The following BICC1 variants were observed in gnomAD, a reference collection of about 807,000 sequenced individuals.
BICC1 encodes protein bicaudal C homolog 1.
A neutral mutation model predicts 111.0 loss-of-function variants in BICC1; 43 were observed. The ratio of observed to expected loss-of-function variants is 0.39; its 90% CI spans 0.30 to 0.50. The LOEUF is 0.50. Ranked by LOEUF, BICC1 falls within the 20% of genes least tolerant of loss-of-function variation. The pLI is 0.88. For synonymous variants in BICC1, 467 were observed against 434.4 expected (o/e 1.07, Z -0.93); for missense variants, 1,091 against 1,203.2 (o/e 0.91, Z 1.38).
At chr10:58,646,065 T>C (rs1171111796) in intron 2 of BICC1, among the ~76,000 whole-genome samples, 1 of 128,884 alleles carries the variant, frequency 7.8e-6, no homozygotes, top group East Asian at 2.2e-4. Flanking sequence ...TTTGCAATGC[T>C]TTTTTTTTTT....
chr10:58,719,170 C>T (rs571659592), intron 3 of BICC1, among the ~76,000 whole-genome samples: 72 of 152,298 alleles, frequency 4.7e-4, no homozygotes, highest in Middle Eastern at 3.4e-3. Flanking sequence ...GAACAAAATT[C>T]ACCTTCTGTG....
At chr10:58,717,373 C>T (rs990600541) in intron 3 of BICC1, among the ~76,000 whole-genome samples, 90 of 147,870 alleles carry the variant, frequency 6.1e-4, no homozygotes, top group Admixed American at 4.4e-3. Flanking sequence ...AAAAAAAAAA[C>T]AGCTTCATAT....
intron 2 of BICC1, among the ~76,000 whole-genome samples, chr10:58,669,107 T>C (rs879258125): frequency 2.6e-5 from 4 of 152,080 alleles, no homozygotes; most frequent in Non-Finnish European, 5.9e-5. Context: ...ATATAGTTTC[T>C]TAGGTAGTGT....
intron 2 of BICC1, among the ~76,000 whole-genome samples, chr10:58,687,817 C>T (rs1839786077): frequency 6.6e-6 from 1 of 152,174 alleles, no homozygotes; most frequent in Admixed American, 6.5e-5. Flanking sequence ...CTTTGTGCTT[C>T]CTGGGTGAGG....
chr10:58,661,512 G>A (rs919553221), intron 2 of BICC1, among the ~76,000 whole-genome samples: 3 of 152,128 alleles, frequency 2.0e-5, no homozygotes, highest in African/African-American at 4.8e-5. Context: ...TGTGATTCAT[G>A]ATGATCTAAG....
In BICC1 at chr10:58,721,562, A is replaced by C. The variant is rs1840941084; in HGVS notation, c.307+19419A>C. Among the ~76,000 whole-genome samples, 3 of 152,186 alleles carry C rather than the reference A, an allele frequency of 2.0e-5. No homozygotes were observed. In the South Asian group the frequency reaches 6.2e-4, roughly 32 times the overall value. ...TCGTGGCTTGTTTTGAGGAAAAAAAATATGCTCCAAACCATCTGCAAAAGT... is the reference window on the plus strand; with the variant it reads ...TCGTGGCTTGTTTTGAGGAAAAAAACTATGCTCCAAACCATCTGCAAAAGT... On this transcript the variant is annotated intron_variant, in intron 3 of 20. Transcript: ENST00000373886.
chr10:58,823,328 C>T (rs527294762), intron 20 of BICC1: 2 of 985,250 alleles, frequency 2.0e-6, no homozygotes, highest in Non-Finnish European at 1.2e-6. Flanking sequence ...CAAACCATCC[C>T]GTAGGCTTAC....
intron 2 of BICC1, among the ~76,000 whole-genome samples, chr10:58,636,010 C>T (rs1837942999): frequency 6.6e-6 from 1 of 152,080 alleles, no homozygotes. Context: ...TTGTTTTGTT[C>T]TCTTGTTATG....
intron 1 of BICC1, among the ~76,000 whole-genome samples, chr10:58,570,308 T>A (rs1431046409): frequency 6.6e-6 from 1 of 152,214 alleles, no homozygotes; most frequent in African/African-American, 2.4e-5. Flanking sequence ...TGGCTAAGGT[T>A]ATCTCCTATT....
At chr10:58,735,000 T>C (rs1244695900) in intron 3 of BICC1, among the ~76,000 whole-genome samples, 1 of 152,168 alleles carries the variant, frequency 6.6e-6, no homozygotes. Flanking sequence ...CTATTAATAG[T>C]TCTCCAAGAA....
intron 1 of BICC1, among the ~76,000 whole-genome samples, chr10:58,559,106 A>AC (rs5785326): frequency 2.0e-5 from 3 of 151,190 alleles, no homozygotes; most frequent in Admixed American, 6.6e-5. Flanking sequence ...ATTAATAACC[A>AC]CCCCCCCAGG....
chr10:58,681,420 G>A (rs1839516952), intron 2 of BICC1, among the ~76,000 whole-genome samples: 2 of 152,064 alleles, frequency 1.3e-5, no homozygotes. Context: ...CATCATCACT[G>A]GTCATTAAAG....
rs935591486 is a variant in BICC1, at chr10:58,775,954, TAA to T, written c.308-9044_308-9043del. On this transcript the variant is annotated intron_variant, in intron 3 of 20. Transcript: ENST00000373886. Reference sequence around the variant, plus strand: ...ATTAGCTGCTCTTTAGTGTAACATATAAAAGTTATATGTAACAAGTGTAACAT... The same window carrying T: ...ATTAGCTGCTCTTTAGTGTAACATATAAGTTATATGTAACAAGTGTAACAT... Among the ~76,000 whole-genome samples, 68 of 152,302 alleles carry T rather than the reference TAA, an allele frequency of 4.5e-4. 1 individual carries two copies. The highest frequency in any genetic ancestry group is 1.6e-3 in the African/African-American group (68 of 41,564).
At chr10:58,518,595 G>A (rs568242021) in intron 1 of BICC1, among the ~76,000 whole-genome samples, 1 of 137,886 alleles carries the variant, frequency 7.3e-6, no homozygotes, top group East Asian at 2.4e-4. Flanking sequence ...TGTGTTGGGG[G>A]GGGGGGGGTG....
intron 2 of BICC1, among the ~76,000 whole-genome samples, chr10:58,622,667 C>G (rs1213033530): frequency 1.3e-5 from 2 of 152,130 alleles, no homozygotes; most frequent in Non-Finnish European, 2.9e-5. Context: ...GCATACTCAT[C>G]CAGCAAAAAA....
rs748041932 is a variant in BICC1, at chr10:58,813,968, C to T, written c.2515C>T (p.Arg839Cys). Reference protein sequence around the residue: ...EFAASIGSPKRKQNKSTEHYL... With the variant: ...EFAASIGSPKCKQNKSTEHYL... Reference sequence around the variant, plus strand: ...TGCAGCTTCTATTGGCAGCCCTAAGCGTAAACAAAACAAATCAAGTGAGCG... The same window carrying T: ...TGCAGCTTCTATTGGCAGCCCTAAGTGTAAACAAAACAAATCAAGTGAGCG... The change falls in exon 18 of 21, where the codon CGT becomes TGT. Residue 839 changes from arginine to cysteine, a missense_variant. Arg to Cys is a radical substitution (Grantham distance 180). Coordinates refer to ENST00000373886, the MANE Select transcript of BICC1 (RefSeq NM_001080512.3). 5.0e-5 allele frequency: 80 copies of T among 1,614,022 alleles called. No homozygotes were observed. Among genetic ancestry groups the T allele is most frequent in the Non-Finnish European group, 6.1e-5 (72 of 1,179,934 alleles).
intron 1 of BICC1, among the ~76,000 whole-genome samples, chr10:58,609,451 C>T (rs1047810272): frequency 6.6e-6 from 1 of 152,128 alleles, no homozygotes; most frequent in Admixed American, 6.6e-5. Flanking sequence ...TTCCCTATAG[C>T]GGTGCTGTAC....
At position 58,817,730 on chromosome 10, in the gene BICC1, A is replaced by G. The variant is rs1380453055; in HGVS notation, c.2694+8A>G. On this transcript the variant is annotated splice_region_variant and intron_variant, in intron 19 of 20. Transcript: ENST00000373886. The stretch of plus-strand genomic sequence containing the variant: ...GTTTTCCAGCAACAAGAGGTCAGTC[A>G]TTATTTATTTTCCCAAGTATCTTTG... 11 of 1,595,204 alleles carry G rather than the reference A, an allele frequency of 6.9e-6. No individual in the cohort carries two copies. The highest frequency in any genetic ancestry group is 8.5e-6 in the Non-Finnish European group (10 of 1,170,716).
chr10:58,656,199 A>C (rs1157939545), intron 2 of BICC1, among the ~76,000 whole-genome samples: 4 of 151,962 alleles, frequency 2.6e-5, no homozygotes, highest in Non-Finnish European at 5.9e-5. Context: ...AAATTGTGGC[A>C]ATAATCAATT....
Sources: allele counts gnomAD v4.1 joint callset (sites outside exome capture counted in the v4.1 genomes callset), GRCh38; gene constraint gnomAD v4.1.1; transcripts MANE v1.5; gene names NCBI Gene and HGNC (gene_info 2026-07-23, HGNC 2026-07-21).